SGMS2: variants seen among roughly 807,000 people sequenced by gnomAD.
SGMS2 encodes the protein sphingomyelin synthase 2, also known as phosphatidylcholine:ceramide cholinephosphotransferase 2.
SGMS2 carries 21 observed loss-of-function variants against 43.8 expected under a neutral mutation model. The observed-to-expected ratio is 0.48, with a 90% CI of 0.34 to 0.69. The LOEUF is 0.69. Ranked by LOEUF, SGMS2 falls within the 30% of genes least tolerant of loss-of-function variation. The pLI, the probability that SGMS2 is intolerant of heterozygous loss-of-function variation, is 0.01. For synonymous variants in SGMS2, 167 were observed against 160.6 expected (o/e 1.04, Z -0.30); for missense variants, 384 against 443.2 (o/e 0.87, Z 1.20).
intron 1 of SGMS2, among the ~76,000 whole-genome samples, chr4:107,838,661 GT>G (rs1726332895): frequency 6.6e-6 from 1 of 150,818 alleles, no homozygotes; most frequent in African/African-American, 2.4e-5. Flanking sequence ...CTGGTTTTCT[GT>G]TTATATTGTA....
At chr4:107,882,142 G>T (rs188793680) in intron 2 of SGMS2, among the ~76,000 whole-genome samples, 1 of 152,144 alleles carries the variant, frequency 6.6e-6, no homozygotes, top group Non-Finnish European at 1.5e-5. Context: ...GGGATAGCTG[G>T]ATCATATGGT....
intron 2 of SGMS2, among the ~76,000 whole-genome samples, chr4:107,877,547 G>A (rs578176527): frequency 3.3e-5 from 5 of 152,268 alleles, no homozygotes; most frequent in Non-Finnish European, 7.4e-5. Flanking sequence ...CTAAACAACT[G>A]CTGGCTGCTT....
intron 5 of SGMS2, chr4:107,908,327 A>G (rs1269665463): frequency 3.4e-5 from 16 of 468,852 alleles, no homozygotes; most frequent in Non-Finnish European, 5.7e-5. Flanking sequence ...TAGAATGTCT[A>G]GTGTTACCAG....
At chr4:107,871,500 C>G (rs948144717) in intron 2 of SGMS2, among the ~76,000 whole-genome samples, 5 of 151,962 alleles carry the variant, frequency 3.3e-5, no homozygotes, top group African/African-American at 7.2e-5. Context: ...ATCAAAAATG[C>G]CTTGAGGACG....
chr4:107,898,302 A>G (rs1240320660), intron 3 of SGMS2, among the ~76,000 whole-genome samples: 1 of 152,174 alleles, frequency 6.6e-6, no homozygotes, highest in Non-Finnish European at 1.5e-5. Flanking sequence ...ATATTCTTAA[A>G]ATAGCTGTTG....
At chr4:107,889,876 AG>A (rs1429935436) in intron 2 of SGMS2, among the ~76,000 whole-genome samples, 1 of 152,220 alleles carries the variant, frequency 6.6e-6, no homozygotes, top group Non-Finnish European at 1.5e-5. Flanking sequence ...AATCTATCAT[AG>A]GATTGCATAA....
intron 5 of SGMS2, among the ~76,000 whole-genome samples, chr4:107,904,864 T>G (rs1391989042): frequency 6.6e-6 from 1 of 152,150 alleles, no homozygotes; most frequent in African/African-American, 2.4e-5. Flanking sequence ...TCCATGAGTA[T>G]GCTATGTAAG....
chr4:107,889,967 G>A (rs1730068885), intron 2 of SGMS2, among the ~76,000 whole-genome samples: 1 of 152,038 alleles, frequency 6.6e-6, no homozygotes, highest in Non-Finnish European at 1.5e-5. Flanking sequence ...TGAATCCTGG[G>A]TTTCCAAAAA....
At chr4:107,847,297 G>A (rs867166841) in intron 1 of SGMS2, among the ~76,000 whole-genome samples, 11 of 152,158 alleles carry the variant, frequency 7.2e-5, no homozygotes, top group Non-Finnish European at 1.2e-4. Flanking sequence ...TGTATAAGGT[G>A]TAAGGAAGGG....
chr4:107,855,407 T>G (rs11946132), intron 1 of SGMS2, among the ~76,000 whole-genome samples: 1,648 of 152,310 alleles, frequency 0.011, 35 homozygotes, highest in African/African-American at 0.038. Flanking sequence ...TTCATTTATT[T>G]TGAGAAATGT....
At chr4:107,843,296 T>C (rs78520300) in intron 1 of SGMS2, among the ~76,000 whole-genome samples, 6,172 of 152,260 alleles carry the variant, frequency 0.041, 426 homozygotes, top group African/African-American at 0.14. Flanking sequence ...AATCATTTGT[T>C]CTCAAAAACG....
At chr4:107,878,583 T>C (rs1485077755) in intron 2 of SGMS2, among the ~76,000 whole-genome samples, 3 of 152,208 alleles carry the variant, frequency 2.0e-5, no homozygotes, top group Non-Finnish European at 4.4e-5. Context: ...TCTACCTACC[T>C]ACCTATTTAT....
intron 2 of SGMS2, among the ~76,000 whole-genome samples, chr4:107,861,306 T>C (rs1047093322): frequency 5.3e-5 from 8 of 152,212 alleles, no homozygotes; most frequent in African/African-American, 1.9e-4. Flanking sequence ...AACAAATTCA[T>C]GAGGTTAAAT....
intron 1 of SGMS2, among the ~76,000 whole-genome samples, chr4:107,851,883 G>A (rs893234108): frequency 1.2e-4 from 18 of 151,944 alleles, no homozygotes; most frequent in Non-Finnish European, 1.9e-4. Flanking sequence ...AACTGGAGAG[G>A]CTGACCTCTT....
At chr4:107,856,542 G>A (rs1343241934) in intron 1 of SGMS2, among the ~76,000 whole-genome samples, 3 of 152,194 alleles carry the variant, frequency 2.0e-5, no homozygotes, top group African/African-American at 7.2e-5. Flanking sequence ...GAGTGCAAAA[G>A]CAACTATCTG....
chr4:107,890,977 A>G (rs1730158299), intron 2 of SGMS2, among the ~76,000 whole-genome samples: 1 of 152,190 alleles, frequency 6.6e-6, no homozygotes, highest in South Asian at 2.1e-4. Context: ...AACCCTAGCT[A>G]TTGAAATGCA....
intron 1 of SGMS2, among the ~76,000 whole-genome samples, chr4:107,835,478 A>G (rs916921598): frequency 6.6e-6 from 1 of 152,238 alleles, no homozygotes; most frequent in Non-Finnish European, 1.5e-5. Flanking sequence ...GTGGGAGGAT[A>G]GGAAGTTTTG....
chr4:107,839,025 G>T (rs1395612213), intron 1 of SGMS2, among the ~76,000 whole-genome samples: 1 of 152,116 alleles, frequency 6.6e-6, no homozygotes, highest in Admixed American at 6.6e-5. Context: ...CTGAAGGCTT[G>T]CTTAGCTCCA....
At chr4:107,893,982 A>G (rs543957213) in intron 2 of SGMS2, among the ~76,000 whole-genome samples, 1 of 152,206 alleles carries the variant, frequency 6.6e-6, no homozygotes, top group Non-Finnish European at 1.5e-5. Context: ...ACTCCTTTTA[A>G]TTTGCCCTAC....
Sources: gnomAD v4.1 joint callset for allele counts (sites outside exome capture counted in the v4.1 genomes callset) on GRCh38, gnomAD v4.1.1 for gene constraint, MANE v1.5 for transcripts, NCBI Gene and HGNC (gene_info 2026-07-23, HGNC 2026-07-21) for gene names.